The following MYO16 variants were observed in gnomAD, a reference collection of about 807,000 sequenced individuals.
MYO16 encodes the protein myosin XVI.
MYO16 carries 94 observed loss-of-function variants against 205.3 expected under a neutral mutation model. That is an observed-to-expected ratio of 0.46 (90% CI 0.39 to 0.54). The LOEUF (loss-of-function observed/expected upper bound fraction) is 0.54. Ranked by LOEUF, MYO16 falls within the 20% of genes least tolerant of loss-of-function variation. MYO16 has a pLI of 0.00. For missense variants in MYO16, 2,315 were observed against 2,387.5 expected (o/e 0.97, Z 0.63); for synonymous variants, 988 against 954.0 (o/e 1.04, Z -0.66).
At chr13:108,702,088 C>T (rs919914337) in intron 2 of MYO16, among the ~76,000 whole-genome samples, 2 of 151,944 alleles carry the variant, frequency 1.3e-5, no homozygotes, top group African/African-American at 4.8e-5. Context: ...TACCAATGTA[C>T]ATAATGGAGT....
chr13:108,712,647 T>G lies in MYO16; in HGVS notation c.293-14T>G. Reference sequence around the variant, plus strand: ...GACTCTCTGTAACTCCATTCTCCTCTCTGTTGTTTTCAGTGCTTCGGCTCC... The same window carrying G: ...GACTCTCTGTAACTCCATTCTCCTCGCTGTTGTTTTCAGTGCTTCGGCTCC... On this transcript the variant is annotated splice_polypyrimidine_tract_variant and intron_variant, in intron 2 of 34. Coordinates refer to ENST00000457511, the MANE Select transcript of MYO16 (RefSeq NM_001198950.3). 1 of 1,612,638 alleles carries G rather than the reference T, an allele frequency of 6.2e-7. No homozygotes were observed. Among genetic ancestry groups the G allele is most frequent in the Non-Finnish European group, 8.5e-7 (1 of 1,178,596 alleles).
At chr13:108,856,994 A>G (rs770643864) in intron 11 of MYO16, among the ~76,000 whole-genome samples, 4 of 152,322 alleles carry the variant, frequency 2.6e-5, no homozygotes, top group Non-Finnish European at 4.4e-5. Flanking sequence ...TAGAATCCTC[A>G]TGATATGCCC....
chr13:108,999,112 G>T (rs1885131634), intron 21 of MYO16, among the ~76,000 whole-genome samples: 1 of 152,104 alleles, frequency 6.6e-6, no homozygotes, highest in Non-Finnish European at 1.5e-5. Flanking sequence ...AATGGGTAAT[G>T]GTTGCTATAT....
At chr13:109,191,173 C>T (rs1016763532) in intron 34 of MYO16, among the ~76,000 whole-genome samples, 6 of 151,746 alleles carry the variant, frequency 4.0e-5, no homozygotes, top group Admixed American at 6.6e-5. Context: ...GAGCCAAGAT[C>T]GCGCCACTGC....
chr13:108,632,590 A>T (rs10161740), intron 1 of MYO16, among the ~76,000 whole-genome samples: 56,931 of 152,070 alleles, frequency 0.37, 11,142 homozygotes, highest in African/African-American at 0.51. Context: ...GTTTATGATA[A>T]TATCTGTTAC....
chr13:109,150,009 G>T (rs1411102192), intron 32 of MYO16, among the ~76,000 whole-genome samples: 2 of 152,258 alleles, frequency 1.3e-5, no homozygotes, highest in Admixed American at 6.5e-5. Context: ...TGGGGATGTG[G>T]ACTTCAACCT....
At chr13:108,804,295 G>A (rs1594307076) in intron 6 of MYO16, among the ~76,000 whole-genome samples, 1 of 152,142 alleles carries the variant, frequency 6.6e-6, no homozygotes, top group African/African-American at 2.4e-5. Flanking sequence ...AATTTTTCGT[G>A]GGAACTGTGT....
At chr13:108,798,070 A>C (rs1489264461) in intron 6 of MYO16, among the ~76,000 whole-genome samples, 1 of 151,730 alleles carries the variant, frequency 6.6e-6, no homozygotes, top group Non-Finnish European at 1.5e-5. Flanking sequence ...AAAGGCTAGG[A>C]TGCTGTCCCT....
At chr13:108,774,103 AAATAAC>A (rs1421676389) in intron 4 of MYO16, among the ~76,000 whole-genome samples, 1 of 146,896 alleles carries the variant, frequency 6.8e-6, no homozygotes, top group African/African-American at 2.4e-5. Context: ...AAATGAAAAT[AAATAAC>A]AATAAAATAA....
At chr13:108,752,767 G>A (rs1302289090) in intron 4 of MYO16, among the ~76,000 whole-genome samples, 8 of 139,936 alleles carry the variant, frequency 5.7e-5, no homozygotes, top group Non-Finnish European at 7.6e-5. Flanking sequence ...TCAGCCTCCT[G>A]AATAGCTGGG....
chr13:108,613,292 A>T (rs2139322226), intron 1 of MYO16, among the ~76,000 whole-genome samples: 1 of 152,322 alleles, frequency 6.6e-6, no homozygotes, highest in East Asian at 1.9e-4. Context: ...CATTGGAAAT[A>T]TGTAAATGAC....
At chr13:108,786,594 C>G (rs974996514) in intron 5 of MYO16, among the ~76,000 whole-genome samples, 8 of 152,216 alleles carry the variant, frequency 5.3e-5, no homozygotes, top group Non-Finnish European at 1.0e-4. Flanking sequence ...TTCCCTTGTG[C>G]TCTCTGCCTC....
At chr13:109,131,233 A>G (rs1876516929) in intron 31 of MYO16, among the ~76,000 whole-genome samples, 1 of 152,228 alleles carries the variant, frequency 6.6e-6, no homozygotes, top group South Asian at 2.1e-4. Context: ...TAAAGCTGCG[A>G]ATCAATTCAG....
chr13:108,642,938 T>C (rs1292120712), intron 1 of MYO16, among the ~76,000 whole-genome samples: 2 of 152,220 alleles, frequency 1.3e-5, no homozygotes, highest in Non-Finnish European at 2.9e-5. Context: ...CTCTTAACTT[T>C]CTGAAAGTCT....
intron 20 of MYO16, among the ~76,000 whole-genome samples, chr13:108,972,651 G>A (rs1884095532): frequency 4.0e-5 from 6 of 151,124 alleles, no homozygotes; most frequent in South Asian, 2.1e-4. Flanking sequence ...TGTTTTGCTC[G>A]GGTGTGACTT....
At chr13:108,618,433 T>C (rs1014992893) in intron 1 of MYO16, among the ~76,000 whole-genome samples, 1 of 152,174 alleles carries the variant, frequency 6.6e-6, no homozygotes, top group Non-Finnish European at 1.5e-5. Flanking sequence ...AACATTTGCA[T>C]TGCAGATGAG....
rs529076445 is a variant in MYO16, at chr13:108,692,845, C to A, written c.293-19816C>A. On this transcript the variant is annotated intron_variant, in intron 2 of 34. Transcript: ENST00000457511. ...GACTTATCTGACTCTGAGTAGAGAC[C>A]GTTAAAAGCTGATGTCCACACTGTG... Among the ~76,000 whole-genome samples the A allele has an allele frequency of 3.9e-5, 6 of 152,204 alleles. No individual in the cohort carries two copies. In the South Asian group the frequency reaches 1.2e-3, roughly 32 times the overall value.
At chr13:108,780,389 C>T (rs1337930) in intron 4 of MYO16, among the ~76,000 whole-genome samples, 50,954 of 148,874 alleles carry the variant, frequency 0.34, 9,840 homozygotes, top group East Asian at 0.63. Context: ...CAGTGACCGA[C>T]TCATTCATTA....
chr13:108,777,947 T>C (rs1055179198), intron 4 of MYO16, among the ~76,000 whole-genome samples: 3 of 152,220 alleles, frequency 2.0e-5, no homozygotes, highest in East Asian at 3.9e-4. Flanking sequence ...TCAGTAGTTA[T>C]TTCCTTTTTA....
Sources: gnomAD v4.1 joint callset for allele counts (sites outside exome capture counted in the v4.1 genomes callset) on GRCh38, gnomAD v4.1.1 for gene constraint, MANE v1.5 for transcripts, NCBI Gene and HGNC (gene_info 2026-07-23, HGNC 2026-07-21) for gene names.